KCND2: variants seen among roughly 807,000 people sequenced by gnomAD.
KCND2 encodes potassium voltage-gated channel subfamily D member 2, also known as A-type voltage-gated potassium channel KCND2.
In KCND2, 16 loss-of-function variants were observed where a neutral mutation model predicts 54.4. The observed-to-expected ratio is 0.29, with a 90% confidence interval of 0.20 to 0.45. The LOEUF (loss-of-function observed/expected upper bound fraction) is 0.45, where lower values mean the gene tolerates loss of function less well. Among genes scored for constraint, KCND2 ranks in the 20% least tolerant of loss-of-function variants. The pLI, the probability that KCND2 is intolerant of heterozygous loss-of-function variation, is 1.00. For synonymous variants in KCND2, 317 were observed against 310.7 expected, an observed-to-expected ratio of 1.02 and a Z score of -0.21; for missense variants, 486 against 824.2, an observed-to-expected ratio of 0.59 and a Z score of 5.02.
intron 1 of KCND2, among the ~76,000 whole-genome samples, chr7:120,315,765 AGTGTGT>A (rs59537613): frequency 0.11 from 15,203 of 137,244 alleles, 932 homozygotes; most frequent in African/African-American, 0.17. Context: ...TTCCATAAGC[AGTGTGT>A]GTGTGTGTGT....
chr7:120,487,763 G>A (rs1802715413), intron 1 of KCND2, among the ~76,000 whole-genome samples: 1 of 152,180 alleles, frequency 6.6e-6, no homozygotes, highest in South Asian at 2.1e-4. Flanking sequence ...AAAGGGCAAG[G>A]TAAGGAAATA....
chr7:120,335,066 G>A (rs1248865883), intron 1 of KCND2, among the ~76,000 whole-genome samples: 4 of 152,040 alleles, frequency 2.6e-5, no homozygotes, highest in Non-Finnish European at 5.9e-5. Flanking sequence ...ATAAAATTGA[G>A]TTTAAAAAGT....
intron 1 of KCND2, among the ~76,000 whole-genome samples, chr7:120,307,646 T>C (rs1321193518): frequency 6.6e-6 from 1 of 152,080 alleles, no homozygotes; most frequent in African/African-American, 2.4e-5. Flanking sequence ...CAGATGTATG[T>C]TGTATCACAG....
intron 1 of KCND2, among the ~76,000 whole-genome samples, chr7:120,687,933 A>C (rs76670393): frequency 0.02 from 3,003 of 152,230 alleles, 32 homozygotes; most frequent in African/African-American, 0.028. Context: ...TCTTGATTGC[A>C]TAATAAGGGT....
chr7:120,620,508 AT>A (rs1793084775), intron 1 of KCND2, among the ~76,000 whole-genome samples: 1 of 152,212 alleles, frequency 6.6e-6, no homozygotes, highest in Non-Finnish European at 1.5e-5. Context: ...CCTACCAGGC[AT>A]TTTCCAACCA....
intron 1 of KCND2, among the ~76,000 whole-genome samples, chr7:120,679,222 T>A (rs933526655): frequency 6.6e-6 from 1 of 151,984 alleles, no homozygotes; most frequent in Non-Finnish European, 1.5e-5. Flanking sequence ...AATCTTTTTT[T>A]TATACTAAAG....
intron 1 of KCND2, among the ~76,000 whole-genome samples, chr7:120,569,463 G>C (rs893384269): frequency 2.0e-5 from 3 of 152,022 alleles, no homozygotes; most frequent in Admixed American, 2.0e-4. Context: ...TCAACATTAA[G>C]AACTCAGAAG....
chr7:120,485,562 C>T (rs1802681338), intron 1 of KCND2, among the ~76,000 whole-genome samples: 1 of 152,144 alleles, frequency 6.6e-6, no homozygotes, highest in Non-Finnish European at 1.5e-5. Flanking sequence ...TCGCAGATGA[C>T]CTGACTCTAC....
intron 1 of KCND2, among the ~76,000 whole-genome samples, chr7:120,606,715 T>C (rs916004677): frequency 6.6e-6 from 1 of 151,900 alleles, no homozygotes; most frequent in African/African-American, 2.4e-5. Flanking sequence ...TCCTATTTCA[T>C]TGATATGTGT....
At position 120,410,286 on chromosome 7, in the gene KCND2, G is replaced by A. The variant is rs188570792; in HGVS notation, c.1115+134539G>A. On this transcript the variant is annotated intron_variant, in intron 1 of 5. Coordinates refer to ENST00000331113, the MANE Select transcript of KCND2 (RefSeq NM_012281.3). Reference sequence around the variant, plus strand: ...GACAACATCACACTATTTTTACAATGTAGCATTATGTTATGTCTTTAAATG... The same window carrying A: ...GACAACATCACACTATTTTTACAATATAGCATTATGTTATGTCTTTAAATG... Among the ~76,000 whole-genome samples the A allele has an allele frequency of 6.0e-5, 9 of 149,646 alleles. No individual in the cohort carries two copies. The East Asian group carries it at 1.7e-3, about 29-fold the overall frequency.
chr7:120,552,452 T>A (rs1481933176), intron 1 of KCND2, among the ~76,000 whole-genome samples: 1 of 152,334 alleles, frequency 6.6e-6, no homozygotes, highest in East Asian at 1.9e-4. Context: ...TACAAATGTA[T>A]TTGATATGAG....
chr7:120,613,700 T>C (rs1792985855), intron 1 of KCND2, among the ~76,000 whole-genome samples: 1 of 152,202 alleles, frequency 6.6e-6, no homozygotes, highest in South Asian at 2.1e-4. Context: ...ACATTCTGGC[T>C]GGGGAGGTCC....
At chr7:120,421,359 A>T (rs539874489) in intron 1 of KCND2, among the ~76,000 whole-genome samples, 2 of 152,336 alleles carry the variant, frequency 1.3e-5, no homozygotes, top group African/African-American at 4.8e-5. Flanking sequence ...AGAGATAATG[A>T]TGCAGGAAAA....
intron 1 of KCND2, among the ~76,000 whole-genome samples, chr7:120,655,283 A>G (rs1048185940): frequency 4.6e-5 from 7 of 152,112 alleles, no homozygotes; most frequent in African/African-American, 1.4e-4. Flanking sequence ...CCTGTATTTG[A>G]TAGCATAAAT....
Position 120,747,683 on chromosome 7 carries a change from G to A in KCND2, c.1718G>A (p.Arg573Gln), listed in dbSNP as rs761446789. The A allele has an allele frequency of 4.3e-6, 7 of 1,609,380 alleles. No homozygotes were observed. The highest frequency in any genetic ancestry group is 1.1e-5 in the South Asian group (1 of 90,948). ...CTAAATATTTTTTTTTCTATCAGCC[G>A]ATCCAGTTTAAATGCCAAAATGGAA... ...CVERTPLSNS[R>Q]SSLNAKMEEC... is the part of the protein sequence containing the mutation. Residue 573 changes from arginine to glutamine, a missense_variant and splice_region_variant, in exon 6 of 6, where the codon CGA (arginine) becomes CAA (glutamine). By Grantham distance (43) the Arg-to-Gln change is conservative. Around this residue, in one of 7 missense-constraint regions of KCND2, gnomAD observed 202 missense variants for 252.7 expected, o/e 0.80. Transcript: ENST00000331113.
intron 1 of KCND2, among the ~76,000 whole-genome samples, chr7:120,441,318 T>A (rs1170121727): frequency 6.6e-6 from 1 of 152,108 alleles, no homozygotes; most frequent in Non-Finnish European, 1.5e-5. Flanking sequence ...TGAATTAGTA[T>A]GAAATTTTTT....
chr7:120,312,354 A>G (rs939324059), intron 1 of KCND2, among the ~76,000 whole-genome samples: 1 of 151,954 alleles, frequency 6.6e-6, no homozygotes, highest in African/African-American at 2.4e-5. Context: ...ACATGCACAT[A>G]CATGTGTTTT....
At chr7:120,555,900 A>C (rs1007332321) in intron 1 of KCND2, among the ~76,000 whole-genome samples, 1 of 152,244 alleles carries the variant, frequency 6.6e-6, no homozygotes, top group Non-Finnish European at 1.5e-5. Flanking sequence ...GAAATGATTC[A>C]AATTAAACAA....
intron 1 of KCND2, among the ~76,000 whole-genome samples, chr7:120,275,986 A>G (rs1799167588): frequency 6.6e-6 from 1 of 152,192 alleles, no homozygotes; most frequent in African/African-American, 2.4e-5. Flanking sequence ...AGATACAAAG[A>G]AATTTTAGAA....
Sources: allele counts gnomAD v4.1 joint callset (sites outside exome capture counted in the v4.1 genomes callset), GRCh38; gene constraint gnomAD v4.1.1; regional missense constraint gnomAD v4.1.1; transcripts MANE v1.5; gene names NCBI Gene and HGNC (gene_info 2026-07-23, HGNC 2026-07-21).